CAMSAP1: variants seen among roughly 807,000 people sequenced by gnomAD.
CAMSAP1 encodes calmodulin regulated spectrin associated protein 1.
A neutral mutation model predicts 143.5 loss-of-function variants in CAMSAP1; 58 were observed. The ratio of observed to expected loss-of-function variants is 0.40; its 90% confidence interval spans 0.33 to 0.50. The LOEUF (loss-of-function observed/expected upper bound fraction) is 0.50, where lower values mean the gene tolerates loss of function less well. Ranked by LOEUF, CAMSAP1 falls within the 20% of genes least tolerant of loss-of-function variation. CAMSAP1 has a pLI of 0.45. For missense variants in CAMSAP1, 1,969 were observed against 2,115.7 expected (o/e 0.93, Z 1.36); for synonymous variants, 945 against 859.3 (o/e 1.10, Z -1.74).
At chr9:135,855,989 T>C (rs1203603764) in intron 5 of CAMSAP1, among the ~76,000 whole-genome samples, 3 of 150,048 alleles carry the variant, frequency 2.0e-5, no homozygotes, top group African/African-American at 4.9e-5. Context: ...GAGGTGGAGC[T>C]TGCAGTGAGC....
intron 7 of CAMSAP1, among the ~76,000 whole-genome samples, chr9:135,847,885 GT>G (rs1179284881): frequency 6.6e-3 from 1 of 152 alleles, no homozygotes; most frequent in African/African-American, 0.026. Flanking sequence ...GGGGAGGGGA[GT>G]GGGGGGAGGG....
At position 135,815,990 on chromosome 9, in the gene CAMSAP1, T is replaced by A. The variant is rs1387316915; in HGVS notation, c.4287A>T (p.Glu1429Asp). 6.2e-7 allele frequency: 1 copy of A among 1,613,504 alleles called. No homozygotes were observed. Among genetic ancestry groups the A allele is most frequent in the African/African-American group, 1.3e-5 (1 of 74,942 alleles). ...GGTTACGGCTCAGTATGGGCAGGGCTTCCATCGATTCCACTCTGCAGGCAG... is the reference window on the plus strand; with the variant it reads ...GGTTACGGCTCAGTATGGGCAGGGCATCCATCGATTCCACTCTGCAGGCAG... Reference protein sequence around the residue: ...GTPSQRVESMEALPILSRNPS... With the variant: ...GTPSQRVESMDALPILSRNPS... The change falls in exon 15 of 17, where the codon GAA (glutamate) becomes GAT (aspartate). Residue 1429 changes from glutamate (E) to aspartate (D), a missense_variant. By Grantham distance (45) the Glu-to-Asp change is conservative (BLOSUM62 2). Around this residue, in one of 4 missense-constraint regions of CAMSAP1, gnomAD observed 1,390 missense variants for 1,420.8 expected, o/e 0.98. Coordinates refer to ENST00000389532, the MANE Select transcript of CAMSAP1 (RefSeq NM_015447.4).
chr9:135,814,350 C>T lies in CAMSAP1; in HGVS notation c.4506+747G>A, dbSNP rs367641279. ...AAAAAGCAGAATTTCTGGTGGATGA[C>T]AGATTGTTGCATAATTTTCATTCAC... On this transcript the variant is annotated intron_variant, in intron 16 of 16. Coordinates refer to ENST00000389532, the MANE Select transcript of CAMSAP1 (RefSeq NM_015447.4). Among the ~76,000 whole-genome samples, 151 of 152,212 alleles carry T rather than the reference C, an allele frequency of 9.9e-4. 1 individual carries two copies. Among genetic ancestry groups the T allele is most frequent in the Non-Finnish European group, 1.8e-3 (120 of 68,036 alleles).
In CAMSAP1 at chr9:135,883,099, C is replaced by T. The variant is rs745476158; in HGVS notation, c.161-21G>A. ...GTTATCTAAGACAGGGAGGGGATGA[C>T]CAGGTGAGTGCCACACACAAGACCC... On this transcript the variant is annotated intron_variant, in intron 1 of 16. Coordinates refer to ENST00000389532, the MANE Select transcript of CAMSAP1 (RefSeq NM_015447.4). 6 of 1,550,476 alleles carry T rather than the reference C, an allele frequency of 3.9e-6. No homozygotes were observed. In the South Asian group the frequency reaches 7.2e-5, roughly 18 times the overall value.
intron 1 of CAMSAP1, among the ~76,000 whole-genome samples, chr9:135,899,618 G>A (rs777878065): frequency 3.3e-5 from 5 of 151,998 alleles, no homozygotes; most frequent in East Asian, 1.9e-4. Context: ...AGCATTCTGC[G>A]CTCTGGCCTC....
chr9:135,831,570 G>T (rs1835863500), intron 7 of CAMSAP1, among the ~76,000 whole-genome samples: 1 of 151,046 alleles, frequency 6.6e-6, no homozygotes, highest in African/African-American at 2.4e-5. Context: ...ACACCTCAAA[G>T]ACTAGGAAAG....
intron 1 of CAMSAP1, among the ~76,000 whole-genome samples, chr9:135,904,872 G>A (rs1838726036): frequency 6.6e-6 from 1 of 151,996 alleles, no homozygotes; most frequent in Non-Finnish European, 1.5e-5. Context: ...GGCTGAGGCA[G>A]AAGAATCGCT....
At chr9:135,885,612 G>T (rs1749670307) in intron 1 of CAMSAP1, among the ~76,000 whole-genome samples, 1 of 152,188 alleles carries the variant, frequency 6.6e-6, no homozygotes, top group Non-Finnish European at 1.5e-5. Flanking sequence ...CCATGGCTCT[G>T]ATTTAAGTTT....
At position 135,820,708 on chromosome 9, in the gene CAMSAP1, A is replaced by C; in HGVS notation, c.3822+131T>G. On this transcript the variant is annotated intron_variant, in intron 11 of 16. Transcript: ENST00000389532. This position sits in a 1 kb window ranked among gnomAD's most constrained non-coding sequence, Gnocchi z 4.4. The stretch of plus-strand genomic sequence containing the variant: ...AGAGACTCTGTGGCCCACAAAGCTA[A>C]ACACACACATCCCCTGGCCTCTTAC... 9 of 1,235,396 alleles carry C rather than the reference A, an allele frequency of 7.3e-6. No homozygotes were observed. Among genetic ancestry groups the C allele is most frequent in the Admixed American group, 2.4e-5 (1 of 41,566 alleles). The allele number at this position is 1,235,396 out of a possible 1,614,324, so 76.5% of individuals were successfully genotyped here. A position where few individuals can be genotyped will look rare whatever the true frequency, so the allele number is the denominator to read the frequency against.
intron 1 of CAMSAP1, among the ~76,000 whole-genome samples, chr9:135,904,335 G>A (rs1429338231): frequency 6.8e-6 from 1 of 147,724 alleles, no homozygotes; most frequent in Non-Finnish European, 1.5e-5. Flanking sequence ...GCAGGCGGAG[G>A]TTGCAGTGAA....
rs748961061 is a variant in CAMSAP1, at chr9:135,883,012, G to A, written c.227C>T (p.Pro76Leu). 6.4e-6 allele frequency: 10 copies of A among 1,551,556 alleles called. No individual in the cohort carries two copies. The highest frequency in any genetic ancestry group is 2.0e-5 in the Admixed American group (1 of 50,978). Residue 76 changes from proline to leucine, a missense_variant, in exon 2 of 17, where the codon CCG (proline) becomes CTG (leucine). By Grantham distance (98) the Pro-to-Leu change is moderately conservative. Around this residue, in one of 4 missense-constraint regions of CAMSAP1, gnomAD observed 215 missense variants for 196.2 expected, o/e 1.10. Transcript: ENST00000389532. Reference sequence around the variant, plus strand: ...GGACAGGAGAAGCTTGATAACAGGCGGCTTAATGTGCTCCTGCTCATACTG... The same window carrying A: ...GGACAGGAGAAGCTTGATAACAGGCAGCTTAATGTGCTCCTGCTCATACTG... ...VDQYEQEHIK[P>L]PVIKLLLSSE... is the part of the protein sequence containing the mutation.
intron 3 of CAMSAP1, among the ~76,000 whole-genome samples, chr9:135,879,679 GCAAA>G (rs1009500678): frequency 1.3e-4 from 20 of 151,656 alleles, no homozygotes; most frequent in African/African-American, 4.6e-4. Flanking sequence ...AAAAAAACAA[GCAAA>G]CAAAAAACAA....
chr9:135,851,376 A>AC (rs1187465752), intron 5 of CAMSAP1, among the ~76,000 whole-genome samples: 1 of 152,236 alleles, frequency 6.6e-6, no homozygotes, highest in African/African-American at 2.4e-5. Context: ...CTCCACAGTC[A>AC]CCTAAGCAGC....
intron 3 of CAMSAP1, among the ~76,000 whole-genome samples, chr9:135,872,037 C>T (rs966119288): frequency 1.3e-5 from 2 of 151,706 alleles, no homozygotes; most frequent in Non-Finnish European, 2.9e-5. Context: ...GAGAGGGAGG[C>T]TGCAGTGAAC....
At chr9:135,846,453 T>C in intron 7 of CAMSAP1, among the ~76,000 whole-genome samples, 1 of 152,018 alleles carries the variant, frequency 6.6e-6, no homozygotes, top group Non-Finnish European at 1.5e-5. Context: ...GCAGTACCAT[T>C]CAGGACACAG....
At chr9:135,853,320 G>A (rs1387731343) in intron 5 of CAMSAP1, among the ~76,000 whole-genome samples, 1 of 152,180 alleles carries the variant, frequency 6.6e-6, no homozygotes, top group Non-Finnish European at 1.5e-5. Context: ...GGCCAAGCAG[G>A]TGCTCCTGGG....
At chr9:135,837,986 C>T (rs1408152047) in intron 7 of CAMSAP1, among the ~76,000 whole-genome samples, 6 of 151,086 alleles carry the variant, frequency 4.0e-5, no homozygotes, top group South Asian at 2.1e-4. Context: ...CATCATCACA[C>T]GCTTTCTACC....
At chr9:135,868,169 T>TA (rs372013273) in intron 3 of CAMSAP1, among the ~76,000 whole-genome samples, 23,223 of 146,850 alleles carry the variant, frequency 0.16, 1,860 homozygotes, top group Non-Finnish European at 0.19. Flanking sequence ...GAACTGCTTG[T>TA]AAAAAAAAAA....
rs1230128560 is a variant in CAMSAP1, at chr9:135,869,661, T to TG, written c.586-3126dup. Among the ~76,000 whole-genome samples, 5 of 152,210 alleles carry TG rather than the reference T, an allele frequency of 3.3e-5. No homozygotes were observed. The East Asian group carries it at 9.7e-4, about 29-fold the overall frequency. ...AAAAGCTAAACACAGAATGAATACATGACCCAGCAATTCCACCCCAGGTAC... is the reference window on the plus strand; with the variant it reads ...AAAAGCTAAACACAGAATGAATACATGGACCCAGCAATTCCACCCCAGGTAC... On this transcript the variant is annotated intron_variant, in intron 3 of 16. Transcript: ENST00000389532.
Sources: gnomAD v4.1 joint callset for allele counts (sites outside exome capture counted in the v4.1 genomes callset) on GRCh38, gnomAD v4.1.1 for gene constraint, gnomAD v4.1.1 regional missense constraint, Gnocchi (gnomAD v3.1) non-coding constraint, MANE v1.5 for transcripts, NCBI Gene and HGNC (gene_info 2026-07-23, HGNC 2026-07-21) for gene names.